CPNE4: variants seen among roughly 807,000 people sequenced by gnomAD.
The protein encoded by CPNE4 is copine 4.
CPNE4 carries 25 observed loss-of-function variants against 67.9 expected under a neutral mutation model. The ratio of observed to expected loss-of-function variants is 0.37; its 90% CI spans 0.27 to 0.51. The LOEUF is 0.51. Among genes scored for constraint, CPNE4 ranks in the 20% least tolerant of loss-of-function variants. The pLI is 0.93. For synonymous variants in CPNE4, 242 were observed against 244.9 expected, an observed-to-expected ratio of 0.99 and a Z score of 0.11; for missense variants, 464 against 690.8, an observed-to-expected ratio of 0.67 and a Z score of 3.68.
chr3:131,728,007 A>G (rs1306726166), intron 2 of CPNE4, among the ~76,000 whole-genome samples: 5 of 152,188 alleles, frequency 3.3e-5, no homozygotes, highest in African/African-American at 1.2e-4. Flanking sequence ...ATAAAACTGC[A>G]TGACATATTC....
At chr3:131,953,541 A>G (rs1306665137) in intron 1 of CPNE4, among the ~76,000 whole-genome samples, 2 of 152,194 alleles carry the variant, frequency 1.3e-5, no homozygotes, top group African/African-American at 2.4e-5. Flanking sequence ...CATATGTTAA[A>G]CCATCCTTGC....
chr3:131,652,170 T>C (rs959840617), intron 7 of CPNE4, among the ~76,000 whole-genome samples: 1 of 152,182 alleles, frequency 6.6e-6, no homozygotes, highest in African/African-American at 2.4e-5. Flanking sequence ...GTAGTGTAGG[T>C]TGTCTTTGCA....
chr3:131,796,423 GCCTGCTCCCT>G lies in CPNE4; in HGVS notation c.181-72808_181-72799del, dbSNP rs1583213205. 3.3e-5 allele frequency among the ~76,000 whole-genome samples: 5 copies of G among 152,264 alleles called. No individual in the cohort carries two copies. The East Asian group carries it at 9.6e-4, about 29-fold the overall frequency. ...TTACACACACATTCATTGATTCTGG[GCCTGCTCCCT>G]CAGGTCAAGAGCACACAACCACCTC... On this transcript the variant is annotated intron_variant, in intron 2 of 15. Transcript: ENST00000429747.
intron 7 of CPNE4, among the ~76,000 whole-genome samples, chr3:131,596,225 G>C (rs928093186): frequency 2.6e-5 from 4 of 152,172 alleles, no homozygotes; most frequent in Admixed American, 6.5e-5. Flanking sequence ...ATCAGCTTGT[G>C]ATGGTATCAC....
intron 9 of CPNE4, among the ~76,000 whole-genome samples, chr3:131,580,559 T>A (rs1937761601): frequency 6.6e-6 from 1 of 150,914 alleles, no homozygotes; most frequent in Non-Finnish European, 1.5e-5. Flanking sequence ...TATGGAGGAG[T>A]CAGAGACACG....
rs888801312 is a variant in CPNE4, at chr3:131,536,105, G to T, written c.1540-776C>A. ...TGTGTATGGCAGGTGGGGGACGAGG[G>T]GGTTTAGGGGTAGTTGCAGGATTGG... On this transcript the variant is annotated intron_variant, in intron 15 of 15. Coordinates refer to ENST00000429747, the MANE Select transcript of CPNE4 (RefSeq NM_130808.3). 2.0e-5 allele frequency among the ~76,000 whole-genome samples: 3 copies of T among 152,138 alleles called. No individual in the cohort carries two copies. In the East Asian group the frequency reaches 5.8e-4, roughly 29 times the overall value.
chr3:131,631,695 CTAAATAGTATTTAG>C, intron 7 of CPNE4, among the ~76,000 whole-genome samples: 1 of 151,952 alleles, frequency 6.6e-6, no homozygotes, highest in East Asian at 1.9e-4. Context: ...TCTTATAATA[CTAAATAGTATTTAG>C]TATTGATAAA....
At chr3:132,015,479 A>G (rs1397100413) in intron 1 of CPNE4, among the ~76,000 whole-genome samples, 1 of 151,272 alleles carries the variant, frequency 6.6e-6, no homozygotes, top group African/African-American at 2.4e-5. Context: ...TAGAAGGAAA[A>G]AGAGTCCTCT....
chr3:131,890,389 A>G (rs536762698), intron 2 of CPNE4, among the ~76,000 whole-genome samples: 5 of 151,902 alleles, frequency 3.3e-5, no homozygotes, highest in Non-Finnish European at 7.4e-5. Context: ...ACAATGAGAT[A>G]TCACCTCACT....
chr3:131,897,928 T>C (rs747615391), intron 2 of CPNE4, among the ~76,000 whole-genome samples: 67 of 151,776 alleles, frequency 4.4e-4, no homozygotes, highest in Non-Finnish European at 7.4e-4. Context: ...AAAAATAAAA[T>C]AAAATATAGA....
intron 7 of CPNE4, among the ~76,000 whole-genome samples, chr3:131,589,757 G>A (rs1188738713): frequency 1.3e-4 from 20 of 152,336 alleles, no homozygotes; most frequent in Non-Finnish European, 8.8e-5. Flanking sequence ...TTTAAATATG[G>A]AGGATTTGGC....
intron 1 of CPNE4, among the ~76,000 whole-genome samples, chr3:131,986,823 T>A (rs1583563481): frequency 2.3e-5 from 3 of 128,676 alleles, no homozygotes; most frequent in African/African-American, 6.0e-5. Context: ...AGAGCGAGAC[T>A]CGGTCTCAAA....
intron 7 of CPNE4, among the ~76,000 whole-genome samples, chr3:131,660,740 T>C (rs116772921): frequency 0.025 from 3,862 of 152,266 alleles, 117 homozygotes; most frequent in African/African-American, 0.074. Context: ...ATAATAAGAG[T>C]GTCTCCCTGT....
intron 7 of CPNE4, among the ~76,000 whole-genome samples, chr3:131,601,292 T>A (rs1250601562): frequency 1.3e-5 from 2 of 152,044 alleles, no homozygotes; most frequent in East Asian, 1.9e-4. Flanking sequence ...CACACACACG[T>A]TTTTTTATCA....
chr3:131,876,220 C>A (rs982251929), intron 2 of CPNE4, among the ~76,000 whole-genome samples: 1 of 149,776 alleles, frequency 6.7e-6, no homozygotes, highest in Non-Finnish European at 1.5e-5. Context: ...GTCTGGGCAA[C>A]AGAGCAAGAC....
Position 131,768,903 on chromosome 3 carries a change from A to C in CPNE4, c.181-45278T>G, listed in dbSNP as rs78883539. ...TGAAGGAAAATTCTAAGTTCTTTGC[A>C]TCTTATATATGCTAGAAAAAGATGT... On this transcript the variant is annotated intron_variant, in intron 2 of 15. Coordinates refer to ENST00000429747, the MANE Select transcript of CPNE4 (RefSeq NM_130808.3). Among the ~76,000 whole-genome samples the C allele has an allele frequency of 0.01, 1,561 of 152,268 alleles. 71 individuals are homozygous for C. The East Asian group carries it at 0.12, about 12-fold the overall frequency.
At chr3:131,939,448 G>A (rs2071323510) in intron 1 of CPNE4, among the ~76,000 whole-genome samples, 1 of 152,142 alleles carries the variant, frequency 6.6e-6, no homozygotes, top group South Asian at 2.1e-4. Flanking sequence ...GCACACTTAT[G>A]AAGAAAAGGA....
intron 7 of CPNE4, among the ~76,000 whole-genome samples, chr3:131,629,800 C>T (rs2079172664): frequency 6.6e-6 from 1 of 152,040 alleles, no homozygotes; most frequent in African/African-American, 2.4e-5. Flanking sequence ...CTGTGTGACT[C>T]TCCTTATTGT....
chr3:132,033,765 G>A (rs927999507), intron 1 of CPNE4, among the ~76,000 whole-genome samples: 5 of 152,208 alleles, frequency 3.3e-5, no homozygotes, highest in African/African-American at 1.2e-4. Context: ...CTCACCGGAT[G>A]GTAATCAGCA....
Sources: allele counts gnomAD v4.1 joint callset (sites outside exome capture counted in the v4.1 genomes callset), GRCh38; gene constraint gnomAD v4.1.1; transcripts MANE v1.5; gene names NCBI Gene and HGNC (gene_info 2026-07-23, HGNC 2026-07-21).